Variants in XXYLT1 observed in about 807,000 individuals in gnomAD.
The protein encoded by XXYLT1 is xyloside xylosyltransferase 1.
XXYLT1 carries 20 observed loss-of-function variants against 28.9 expected under a neutral mutation model. The observed-to-expected ratio is 0.69, with a 90% CI of 0.49 to 1.00. The LOEUF (loss-of-function observed/expected upper bound fraction) is 1.00. Among genes scored for constraint, XXYLT1 ranks in the 50% least tolerant of loss-of-function variants. XXYLT1 has a pLI of 0.00. For missense variants in XXYLT1, 542 were observed against 560.1 expected, an observed-to-expected ratio of 0.97 and a Z score of 0.33; for synonymous variants, 257 against 253.8, an observed-to-expected ratio of 1.01 and a Z score of -0.12.
intron 2 of XXYLT1, among the ~76,000 whole-genome samples, chr3:195,161,824 G>T (rs1211165556): frequency 6.6e-6 from 1 of 151,884 alleles, no homozygotes; most frequent in Non-Finnish European, 1.5e-5. Context: ...CACCATGTTG[G>T]CCAGGCTGGT....
intron 2 of XXYLT1, among the ~76,000 whole-genome samples, chr3:195,197,793 T>G (rs935693008): frequency 6.6e-6 from 1 of 152,346 alleles, no homozygotes; most frequent in South Asian, 2.1e-4. Flanking sequence ...CATCAGCGTT[T>G]GACACAACTG....
chr3:195,104,421 T>A (rs1407651049), intron 3 of XXYLT1, among the ~76,000 whole-genome samples: 1 of 151,550 alleles, frequency 6.6e-6, no homozygotes, highest in Non-Finnish European at 1.5e-5. Flanking sequence ...CAGGCAGCAG[T>A]GCCCAGGTGA....
At chr3:195,128,936 A>T (rs746490562) in intron 3 of XXYLT1, among the ~76,000 whole-genome samples, 6 of 152,254 alleles carry the variant, frequency 3.9e-5, no homozygotes, top group Non-Finnish European at 8.8e-5. Context: ...AGATTAGTAG[A>T]ACCGTCTTGT....
intron 3 of XXYLT1, among the ~76,000 whole-genome samples, chr3:195,113,856 C>A (rs868356987): frequency 6.6e-6 from 1 of 152,054 alleles, no homozygotes; most frequent in Non-Finnish European, 1.5e-5. Context: ...CTGAGGCCGG[C>A]GGGCAAAGAA....
At chr3:195,251,535 G>A (rs1188694148) in intron 1 of XXYLT1, among the ~76,000 whole-genome samples, 1 of 152,186 alleles carries the variant, frequency 6.6e-6, no homozygotes, top group African/African-American at 2.4e-5. Context: ...GTGAGGGGCT[G>A]CTCCGCCTGC....
At chr3:195,203,355 AAACTT>A (rs1560150047) in intron 2 of XXYLT1, among the ~76,000 whole-genome samples, 1 of 152,188 alleles carries the variant, frequency 6.6e-6, no homozygotes, top group Non-Finnish European at 1.5e-5. Flanking sequence ...AAAGGAAAGA[AAACTT>A]AATATTCTAT....
chr3:195,134,502 G>A (rs1252726796), intron 3 of XXYLT1: 1 of 155,320 alleles, frequency 6.4e-6, no homozygotes, highest in Non-Finnish European at 1.5e-5. Flanking sequence ...ACAGAAACAT[G>A]TTGTACAGGT....
At chr3:195,081,909 A>T (rs1213115945) in intron 3 of XXYLT1, among the ~76,000 whole-genome samples, 1 of 152,134 alleles carries the variant, frequency 6.6e-6, no homozygotes, top group African/African-American at 2.4e-5. Context: ...CTCGGTTCCT[A>T]AACCTATTAA....
intron 3 of XXYLT1, among the ~76,000 whole-genome samples, chr3:195,143,818 A>ATATATTTTTTTT (rs1719641203): frequency 1.0e-5 from 1 of 96,306 alleles, no homozygotes; most frequent in African/African-American, 4.4e-5. Flanking sequence ...ATATATAGAT[A>ATATATTTTTTTT]TAGATATATA....
At position 195,069,691 on chromosome 3, in the gene XXYLT1, C is replaced by T. The variant is rs1225799746; in HGVS notation, c.*24G>A. ...TGTCCTTCCCCCAGATCTGGAGGCC[C>T]CGGGGGCAAGGCACGGGGAGCGCCT... On this transcript the variant is annotated 3_prime_UTR_variant, in exon 4 of 4. Transcript: ENST00000310380. The T allele has an allele frequency of 1.3e-6, 2 of 1,592,224 alleles. No homozygotes were observed. Among genetic ancestry groups the T allele is most frequent in the Admixed American group, 1.7e-5 (1 of 59,032 alleles).
intron 3 of XXYLT1, chr3:195,094,467 C>T (rs974299505): frequency 1.3e-5 from 2 of 154,114 alleles, no homozygotes; most frequent in Non-Finnish European, 2.9e-5. Flanking sequence ...TGTCCAGACA[C>T]AAAGCTGACA....
chr3:195,270,977 G>T lies in XXYLT1; in HGVS notation c.82C>A (p.Leu28Met). The T allele has an allele frequency of 6.7e-7, 1 of 1,486,506 alleles. No homozygotes were observed. The highest frequency in any genetic ancestry group is 8.9e-7 in the Non-Finnish European group (1 of 1,121,884). The allele number at this position is 1,486,506 out of a possible 1,614,324, so 92.1% of individuals were successfully genotyped here. A position where few individuals can be genotyped will look rare whatever the true frequency, so the allele number is the denominator to read the frequency against. ...GAVRSHYCAL[L>M]LAAALAVCAF... ...CAGACGGCCAGCGCCGCGGCCAGCA[G>T]CAGGGCGCAGTAGTGGGAGCGCACA... Residue 28 changes from leucine (L) to methionine (M), a missense_variant, in exon 1 of 4, where the codon CTG (leucine) becomes ATG (methionine). Physicochemically the swap from Leu to Met is conservative, Grantham distance 15. Transcript: ENST00000310380.
intron 1 of XXYLT1, among the ~76,000 whole-genome samples, chr3:195,253,510 T>TC (rs1477603459): frequency 1.3e-5 from 2 of 150,332 alleles, no homozygotes; most frequent in African/African-American, 4.9e-5. Flanking sequence ...TTTCTTTTTT[T>TC]TTTTTTTTTT....
intron 3 of XXYLT1, among the ~76,000 whole-genome samples, chr3:195,071,434 C>G (rs1367701343): frequency 6.6e-6 from 1 of 152,202 alleles, no homozygotes; most frequent in Non-Finnish European, 1.5e-5. Flanking sequence ...CTTCTGGGAA[C>G]GGAGGAACCT....
rs770790389 is a variant in XXYLT1 at position 195,270,698 on chromosome 3, C to T, written c.361G>A (p.Ala121Thr). ...NAALQAKARV[A>T]LRSLLRLAKF... ...GCGAGGCGCAGCAGTGAGCGCAGCG[C>T]GACGCGGGCCTTGGCCTGCAGCGCG... Residue 121 changes from alanine to threonine, a missense_variant, in exon 1 of 4, where the codon GCG (alanine) becomes ACG (threonine). Coordinates refer to ENST00000310380, the MANE Select transcript of XXYLT1 (RefSeq NM_152531.5). 1 of 1,588,758 alleles carries T rather than the reference C, an allele frequency of 6.3e-7. No homozygotes were observed. The highest frequency in any genetic ancestry group is 8.5e-7 in the Non-Finnish European group (1 of 1,172,290).
In XXYLT1 at chr3:195,078,931, G is replaced by A. The variant is rs559829567; in HGVS notation, c.786-8820C>T. ...CAAACCACACCTAAGCTACCCACTC[G>A]GCTCTCCATGAACTTTGCGACCAGA... On this transcript the variant is annotated intron_variant, in intron 3 of 3. Coordinates refer to ENST00000310380, the MANE Select transcript of XXYLT1 (RefSeq NM_152531.5). This position sits in a 1 kb window ranked among gnomAD's most constrained non-coding sequence, Gnocchi z 5.0. Among the ~76,000 whole-genome samples, 47 of 152,212 alleles carry A rather than the reference G, an allele frequency of 3.1e-4. No individual in the cohort carries two copies. Among genetic ancestry groups the A allele is most frequent in the African/African-American group, 1.0e-3 (42 of 41,544 alleles).
intron 1 of XXYLT1, among the ~76,000 whole-genome samples, chr3:195,234,309 ATTTTTT>A (rs35536915): frequency 3.4e-3 from 229 of 66,898 alleles, no homozygotes; most frequent in African/African-American, 0.013. Context: ...TGTTTGAAGG[ATTTTTT>A]TTTTTTTTTT....
At chr3:195,157,184 A>C (rs1451968023) in intron 2 of XXYLT1, among the ~76,000 whole-genome samples, 1 of 138,178 alleles carries the variant, frequency 7.2e-6, no homozygotes, top group Non-Finnish European at 1.5e-5. Context: ...CAGAGGTTGC[A>C]GTGAGCTGAG....
chr3:195,227,482 A>G (rs1185926572), intron 1 of XXYLT1, among the ~76,000 whole-genome samples: 3 of 152,226 alleles, frequency 2.0e-5, no homozygotes, highest in African/African-American at 7.2e-5. Flanking sequence ...TGTGAGAAGT[A>G]TAAGGAATAA....
Sources: allele counts gnomAD v4.1 joint callset (sites outside exome capture counted in the v4.1 genomes callset), GRCh38; gene constraint gnomAD v4.1.1; non-coding constraint Gnocchi (gnomAD v3.1); transcripts MANE v1.5; gene names NCBI Gene and HGNC (gene_info 2026-07-23, HGNC 2026-07-21).